TRHDE: variants seen among roughly 807,000 people sequenced by gnomAD.
TRHDE encodes the protein thyrotropin releasing hormone degrading enzyme.
A neutral mutation model predicts 125.7 loss-of-function variants in TRHDE; 72 were observed. That is an observed-to-expected ratio of 0.57 (90% CI 0.47 to 0.70). The LOEUF (loss-of-function observed/expected upper bound fraction) is 0.70. Ranked by LOEUF, TRHDE falls within the 30% of genes least tolerant of loss-of-function variation. The pLI is 0.00. For synonymous variants in TRHDE, 509 were observed against 509.1 expected (o/e 1.00, Z 0.00); for missense variants, 1,110 against 1,327.1 (o/e 0.84, Z 2.54).
At chr12:72,630,029 T>C (rs1873415702) in intron 15 of TRHDE, among the ~76,000 whole-genome samples, 1 of 149,736 alleles carries the variant, frequency 6.7e-6, no homozygotes, top group South Asian at 2.1e-4. Context: ...GTATATATAA[T>C]GAATATATAT....
At chr12:72,410,427 C>T (rs1462397572) in intron 3 of TRHDE, among the ~76,000 whole-genome samples, 2 of 152,138 alleles carry the variant, frequency 1.3e-5, no homozygotes, top group East Asian at 1.9e-4. Flanking sequence ...ATATCAGAAC[C>T]TAACACAGCC....
At chr12:72,281,829 A>G (rs1235892738) in intron 1 of TRHDE, among the ~76,000 whole-genome samples, 1 of 152,238 alleles carries the variant, frequency 6.6e-6, no homozygotes, top group Admixed American at 6.5e-5. Flanking sequence ...GAATGTTATC[A>G]TAATGACTTG....
chr12:72,342,799 A>AT (rs200127833), intron 2 of TRHDE, among the ~76,000 whole-genome samples: 459 of 151,886 alleles, frequency 3.0e-3, no homozygotes, highest in African/African-American at 0.011. Flanking sequence ...TGGATGGAGC[A>AT]TTTTTTTTCC....
At chr12:72,323,008 A>C (rs1462611893) in intron 2 of TRHDE, among the ~76,000 whole-genome samples, 4 of 152,192 alleles carry the variant, frequency 2.6e-5, no homozygotes, top group South Asian at 2.1e-4. Flanking sequence ...AAAATCAACA[A>C]GTAGAGCGAA....
intron 2 of TRHDE, chr12:72,258,215 A>G (rs1253727378): frequency 6.6e-6 from 1 of 152,194 alleles, no homozygotes; most frequent in East Asian, 1.9e-4. Context: ...AAAAGGAAAG[A>G]AAATAAAAGA....
chr12:72,575,299 G>C lies in TRHDE; in HGVS notation c.2176G>C (p.Gly726Arg). 1 of 1,613,472 alleles carries C rather than the reference G, an allele frequency of 6.2e-7. No individual in the cohort carries two copies. The highest frequency in any genetic ancestry group is 8.5e-7 in the Non-Finnish European group (1 of 1,179,698). ...TTTGGACAAAGGAAGCTGGCTGCTG[G>C]GGAACATCAATCAAACTGGCTATTT... is the stretch of plus-strand genomic sequence containing the variant. ...TYLDKGSWLL[G>R]NINQTGYFRV... The change falls in exon 11 of 19, where the codon GGG (glycine) becomes CGG (arginine). Residue 726 changes from glycine to arginine, a missense_variant. Around this residue, in one of 5 missense-constraint regions of TRHDE, gnomAD observed 527 missense variants for 651.8 expected, o/e 0.81. Coordinates refer to ENST00000261180, the MANE Select transcript of TRHDE (RefSeq NM_013381.3).
rs1237264140 is a variant in TRHDE, at chr12:72,664,646, A to G, written c.*1451A>G. 6.6e-6 allele frequency: 1 copy of G among 152,134 alleles called. No homozygotes were observed. The highest frequency in any genetic ancestry group is 1.5e-5 in the Non-Finnish European group (1 of 68,014). The allele number at this position is 152,134 out of a possible 1,614,324, so 9.4% of individuals were successfully genotyped here. ...TTAAGTTTACCAGTATAAAATACCA[A>G]TGCAACTACTCTACATAGCCAAATG... is the stretch of plus-strand genomic sequence containing the variant. On this transcript the variant is annotated 3_prime_UTR_variant, in exon 19 of 19. Coordinates refer to ENST00000261180, the MANE Select transcript of TRHDE (RefSeq NM_013381.3).
At chr12:72,494,537 T>C (rs190719901) in intron 5 of TRHDE, among the ~76,000 whole-genome samples, 1 of 152,146 alleles carries the variant, frequency 6.6e-6, no homozygotes, top group Admixed American at 6.6e-5. Flanking sequence ...TGCCTTGTAT[T>C]GCTCTTCCTT....
At chr12:72,577,105 G>A (rs1871032124) in intron 12 of TRHDE, among the ~76,000 whole-genome samples, 1 of 152,126 alleles carries the variant, frequency 6.6e-6, no homozygotes, top group African/African-American at 2.4e-5. Flanking sequence ...TGGCACAGAA[G>A]TTTAGAGAGT....
chr12:72,349,500 G>A (rs1210414020), intron 2 of TRHDE, among the ~76,000 whole-genome samples: 1 of 151,904 alleles, frequency 6.6e-6, no homozygotes, highest in South Asian at 2.1e-4. Flanking sequence ...CTAGTAAAAA[G>A]GATTCCTTTA....
At chr12:72,287,021 A>G in intron 2 of TRHDE, 67 bp downstream of exon 2, 1 of 1,504,974 alleles carries the variant, frequency 6.6e-7, no homozygotes, top group Non-Finnish European at 9.0e-7. Context: ...TGATTTCTGG[A>G]TTAACAGTGA....
intron 2 of TRHDE, among the ~76,000 whole-genome samples, chr12:72,299,561 T>C (rs1037844012): frequency 6.6e-6 from 1 of 152,322 alleles, no homozygotes; most frequent in African/African-American, 2.4e-5. Context: ...TGAGCAACCG[T>C]GTTCAACAAT....
At chr12:72,110,500 A>G (rs116797923) in intron 2 of TRHDE, among the ~76,000 whole-genome samples, 2,627 of 152,162 alleles carry the variant, frequency 0.017, 88 homozygotes, top group African/African-American at 0.061. Context: ...GATATGGTTT[A>G]TTAGAGTTTT....
chr12:72,094,701 G>A (rs1290649900), intron 1 of TRHDE, among the ~76,000 whole-genome samples: 1 of 152,218 alleles, frequency 6.6e-6, no homozygotes, highest in Non-Finnish European at 1.5e-5. Context: ...TGGGTTCCTG[G>A]CAGATGGTTC....
chr12:72,452,029 A>G (rs1251141006), intron 3 of TRHDE, among the ~76,000 whole-genome samples: 2 of 152,070 alleles, frequency 1.3e-5, no homozygotes, highest in African/African-American at 2.4e-5. Context: ...GGGTTTCACT[A>G]TGTCGGCCAG....
intron 2 of TRHDE, among the ~76,000 whole-genome samples, chr12:72,373,620 A>G (rs1871723407): frequency 6.6e-6 from 1 of 152,222 alleles, no homozygotes; most frequent in Non-Finnish European, 1.5e-5. Context: ...CAATAAAGCA[A>G]GAAAAGGAGA....
At chr12:72,485,443 C>T (rs1288159170) in intron 5 of TRHDE, among the ~76,000 whole-genome samples, 1 of 152,150 alleles carries the variant, frequency 6.6e-6, no homozygotes, top group Non-Finnish European at 1.5e-5. Context: ...GCAGCTGGTG[C>T]ACCCACCTCT....
chr12:72,636,129 C>T (rs1208502788), intron 15 of TRHDE, among the ~76,000 whole-genome samples: 2 of 152,062 alleles, frequency 1.3e-5, no homozygotes, highest in African/African-American at 4.8e-5. Context: ...TTCTTCCTAC[C>T]CATGAGCATG....
At chr12:72,540,596 G>C (rs1869097370) in intron 6 of TRHDE, among the ~76,000 whole-genome samples, 1 of 151,648 alleles carries the variant, frequency 6.6e-6, no homozygotes, top group African/African-American at 2.4e-5. Context: ...AGTTGGCAAT[G>C]GTCAGGTTTG....
Sources: gnomAD v4.1 joint callset for allele counts (sites outside exome capture counted in the v4.1 genomes callset) on GRCh38, gnomAD v4.1.1 for gene constraint, gnomAD v4.1.1 regional missense constraint, MANE v1.5 for transcripts, NCBI Gene and HGNC (gene_info 2026-07-23, HGNC 2026-07-21) for gene names.